The following BNC2 variants were observed in gnomAD, a reference collection of about 807,000 sequenced individuals.
The protein encoded by BNC2 is zinc finger protein basonuclin-2.
In BNC2, 20 loss-of-function variants were observed where a neutral mutation model predicts 76.3. The ratio of observed to expected loss-of-function variants is 0.26; its 90% CI spans 0.18 to 0.38. The LOEUF (loss-of-function observed/expected upper bound fraction) is 0.38, where lower values mean the gene tolerates loss of function less well. BNC2 is among the 10% of genes least tolerant of loss of function. The pLI is 1.00. For missense variants in BNC2, 1,382 were observed against 1,399.8 expected, an observed-to-expected ratio of 0.99 and a Z score of 0.20; for synonymous variants, 582 against 514.8, an observed-to-expected ratio of 1.13 and a Z score of -1.77.
At position 16,435,568 on chromosome 9, in the gene BNC2, G is replaced by A. The variant is rs1296819700; in HGVS notation, c.2626C>T (p.Arg876Ter). The change falls in exon 6 of 7, where the codon CGA becomes TGA. Residue 876 changes from arginine (R) to a stop codon, truncating the protein, a stop_gained. Coordinates refer to ENST00000380672, the MANE Select transcript of BNC2 (RefSeq NM_017637.6). LOFTEE classifies it high-confidence loss of function. ...AGATTTACTGACCTGTCTCGGCTTC[G>A]GCGAGAGGGGAATGCAGCATTGCAA... ...AGCNAAFPSRRSRDRHSANIN... is the reference protein window; with the variant it reads ...AGCNAAFPSR 5 of 1,613,798 alleles carry A rather than the reference G, an allele frequency of 3.1e-6. No homozygotes were observed. The highest frequency in any genetic ancestry group is 1.7e-5 in the Admixed American group (1 of 59,988).
chr9:16,833,582 T>C (rs1490045787), intron 1 of BNC2, among the ~76,000 whole-genome samples: 1 of 152,152 alleles, frequency 6.6e-6, no homozygotes, highest in Non-Finnish European at 1.5e-5. Flanking sequence ...GTTTTTCAAG[T>C]GTTACTGTCC....
chr9:16,614,867 G>C (rs116177926), intron 3 of BNC2, among the ~76,000 whole-genome samples: 1,654 of 150,928 alleles, frequency 0.011, 34 homozygotes, highest in African/African-American at 0.038. Flanking sequence ...GAGGTGGAAA[G>C]ATTACTTGAT....
At chr9:16,826,867 A>G (rs1027905395) in intron 1 of BNC2, among the ~76,000 whole-genome samples, 6 of 152,214 alleles carry the variant, frequency 3.9e-5, no homozygotes, top group African/African-American at 1.4e-4. Flanking sequence ...ACACAGAGCT[A>G]TCTAAATAAG....
intron 5 of BNC2, among the ~76,000 whole-genome samples, chr9:16,496,675 A>G (rs1163001198): frequency 6.6e-6 from 1 of 152,256 alleles, no homozygotes; most frequent in Non-Finnish European, 1.5e-5. Flanking sequence ...AAATATTTAC[A>G]GTTTATATTT....
chr9:16,788,568 A>G (rs957316094), intron 1 of BNC2, among the ~76,000 whole-genome samples: 23 of 151,786 alleles, frequency 1.5e-4, no homozygotes, highest in African/African-American at 5.6e-4. Flanking sequence ...AAAAAAAAAA[A>G]AAGAGGTCAT....
intron 3 of BNC2, among the ~76,000 whole-genome samples, chr9:16,603,866 C>G (rs1297604434): frequency 8.7e-6 from 1 of 114,486 alleles, no homozygotes; most frequent in African/African-American, 2.7e-5. Flanking sequence ...CTCAAATATT[C>G]TCTTAAAAAT....
intron 4 of BNC2, among the ~76,000 whole-genome samples, chr9:16,556,701 G>C (rs1166691158): frequency 6.6e-6 from 1 of 150,872 alleles, no homozygotes; most frequent in African/African-American, 2.5e-5. Flanking sequence ...CTGGGAGGTG[G>C]AGGTTACAAT....
At chr9:16,678,261 C>CTTTTTCTTTT (rs1822713367) in intron 3 of BNC2, among the ~76,000 whole-genome samples, 1 of 75,884 alleles carries the variant, frequency 1.3e-5, no homozygotes, top group African/African-American at 5.3e-5. Flanking sequence ...TGTTTTCTTT[C>CTTTTTCTTTT]TTTTTCTTTT....
rs189168294 is a variant in BNC2, at chr9:16,791,283, G to C, written c.4-52798C>G. 2.6e-5 allele frequency among the ~76,000 whole-genome samples: 4 copies of C among 151,900 alleles called. No individual in the cohort carries two copies. In the East Asian group the frequency reaches 7.8e-4, roughly 30 times the overall value. On this transcript the variant is annotated intron_variant, in intron 1 of 6. Coordinates refer to ENST00000380672, the MANE Select transcript of BNC2 (RefSeq NM_017637.6). ...TCACCATGTTAGCCAGGATGGTCTC[G>C]ATCTCCTGACATCGTGATCCGCCTG...
At chr9:16,431,426 C>G (rs893603973) in intron 6 of BNC2, 7 of 468,882 alleles carry the variant, frequency 1.5e-5, no homozygotes, top group Non-Finnish European at 3.1e-5. Context: ...CTATCACGCT[C>G]TCTTCAAGAG....
intron 3 of BNC2, among the ~76,000 whole-genome samples, chr9:16,725,132 T>TA (rs1466273406): frequency 6.6e-6 from 1 of 152,048 alleles, no homozygotes; most frequent in Non-Finnish European, 1.5e-5. Context: ...AAAACTAGCG[T>TA]AACTGTATAT....
intron 1 of BNC2, among the ~76,000 whole-genome samples, chr9:16,779,285 C>G (rs1826058368): frequency 7.9e-6 from 1 of 127,284 alleles, no homozygotes; most frequent in Non-Finnish European, 1.6e-5. Context: ...GCCTGCGTGA[C>G]AGAGAGACCC....
At chr9:16,632,392 C>A (rs1381611763) in intron 3 of BNC2, among the ~76,000 whole-genome samples, 1 of 150,212 alleles carries the variant, frequency 6.7e-6, no homozygotes, top group Non-Finnish European at 1.5e-5. Context: ...CCTTGTACAT[C>A]TTCTGGAGTC....
At chr9:16,745,858 C>G (rs10756803) in intron 1 of BNC2, among the ~76,000 whole-genome samples, 130,896 of 152,162 alleles carry the variant, frequency 0.86, 56,703 homozygotes, top group Non-Finnish European at 0.91. Flanking sequence ...GGCTTTGAGA[C>G]AGCTATTTTT....
chr9:16,760,729 A>G (rs1825528917), intron 1 of BNC2, among the ~76,000 whole-genome samples: 1 of 152,210 alleles, frequency 6.6e-6, no homozygotes, highest in Admixed American at 6.5e-5. Context: ...TGAACTCACC[A>G]AAGGTGTATC....
At chr9:16,669,034 T>C (rs181979561) in intron 3 of BNC2, among the ~76,000 whole-genome samples, 3 of 152,078 alleles carry the variant, frequency 2.0e-5, no homozygotes, top group African/African-American at 4.8e-5. Context: ...ATGAAAAAAA[T>C]TGCTTTGGTG....
intron 5 of BNC2, among the ~76,000 whole-genome samples, chr9:16,454,543 A>C (rs1215931465): frequency 6.6e-6 from 1 of 152,160 alleles, no homozygotes; most frequent in Admixed American, 6.5e-5. Flanking sequence ...AGTTCAAGTA[A>C]TCCTCCTGCC....
rs1281574181 is a variant in BNC2, at chr9:16,415,952, C to CA, written c.*3036dup. The CA allele has an allele frequency of 6.6e-6, 1 of 152,282 alleles. No individual in the cohort carries two copies. Among genetic ancestry groups the CA allele is most frequent in the East Asian group, 1.9e-4 (1 of 5,166 alleles). The allele number at this position is 152,282 out of a possible 1,614,324, so 9.4% of individuals were successfully genotyped here. ...ACTTCTCTGACAAAACACAGGTGAA[C>CA]ACATTCATGTTTCCAAGCAAGGGAA... is the stretch of plus-strand genomic sequence containing the variant. On this transcript the variant is annotated 3_prime_UTR_variant, in exon 7 of 7. Coordinates refer to ENST00000380672, the MANE Select transcript of BNC2 (RefSeq NM_017637.6).
At chr9:16,476,375 T>A (rs1821927696) in intron 5 of BNC2, 1 of 152,140 alleles carries the variant, frequency 6.6e-6, no homozygotes, top group African/African-American at 2.4e-5. Context: ...AGGTGCTCCC[T>A]TTAGGTCGCC....
Sources: gnomAD v4.1 joint callset for allele counts (sites outside exome capture counted in the v4.1 genomes callset) on GRCh38, gnomAD v4.1.1 for gene constraint, MANE v1.5 for transcripts, NCBI Gene and HGNC (gene_info 2026-07-23, HGNC 2026-07-21) for gene names.